The following MAPKAPK5 variants were observed in gnomAD, a reference collection of about 807,000 sequenced individuals.
The protein encoded by MAPKAPK5 is MAPK activated protein kinase 5, also known as MAP kinase-activated protein kinase 5.
A neutral mutation model predicts 65.1 loss-of-function variants in MAPKAPK5; 30 were observed. That is an observed-to-expected ratio of 0.46 (90% confidence interval 0.34 to 0.63). The LOEUF (loss-of-function observed/expected upper bound fraction) is 0.63. MAPKAPK5 is among the 20% of genes least tolerant of loss of function. MAPKAPK5 has a pLI of 0.01. For synonymous variants in MAPKAPK5, 179 were observed against 204.6 expected, an observed-to-expected ratio of 0.87 and a Z score of 1.07; for missense variants, 433 against 581.4, an observed-to-expected ratio of 0.74 and a Z score of 2.63.
intron 9 of MAPKAPK5, chr12:111,885,639 G>C: frequency 2.7e-6 from 1 of 367,804 alleles, no homozygotes; most frequent in South Asian, 5.6e-5. Flanking sequence ...CCATATGTAG[G>C]ATTACCTTAT....
At chr12:111,861,165 A>T (rs1047534085) in intron 1 of MAPKAPK5, among the ~76,000 whole-genome samples, 3 of 151,938 alleles carry the variant, frequency 2.0e-5, no homozygotes, top group Non-Finnish European at 4.4e-5. Context: ...CTAAAAAAAA[A>T]AATAATTTCC....
chr12:111,889,910 T>C, intron 12 of MAPKAPK5, 130 bp from the exon 13 acceptor site: 1 of 642,338 alleles, frequency 1.6e-6, no homozygotes, highest in Non-Finnish European at 2.8e-6. Context: ...GTAAAGCCCT[T>C]GTCTGGTGAA....
Position 111,900,169 on chromosome 12 carries a change from A to T in MAPKAPK5, c.*7108A>T. On this transcript the variant is annotated 3_prime_UTR_variant, in exon 14 of 14. Coordinates refer to ENST00000550735, the MANE Select transcript of MAPKAPK5 (RefSeq NM_003668.4). ...GTGGACTTGCAAATCACACTCAGGA[A>T]TTTCAATCACTGGAGACAAGAGATG... The T allele has an allele frequency of 2.2e-6, 1 of 456,046 alleles. No homozygotes were observed. Among genetic ancestry groups the T allele is most frequent in the Non-Finnish European group, 4.4e-6 (1 of 226,786 alleles). The allele number at this position is 456,046 out of a possible 1,614,324, so 28.2% of individuals were successfully genotyped here. A position where few individuals can be genotyped will look rare whatever the true frequency, so the allele number is the denominator to read the frequency against.
chr12:111,882,207 C>G (rs946983656), intron 8 of MAPKAPK5, among the ~76,000 whole-genome samples: 3 of 152,098 alleles, frequency 2.0e-5, no homozygotes. Context: ...GGTGAAACCC[C>G]GTCTCTACTA....
At position 111,899,757 on chromosome 12, in the gene MAPKAPK5, G is replaced by C. The variant is rs1347518075; in HGVS notation, c.*6696G>C. 1.1e-5 allele frequency: 4 copies of C among 365,834 alleles called. No homozygotes were observed. The highest frequency in any genetic ancestry group is 6.4e-5 in the Admixed American group (2 of 31,248). The allele number at this position is 365,834 out of a possible 1,614,324, so 22.7% of individuals were successfully genotyped here. ...TTTTGTTTCTGTCAACATCTGTGCAGGTCTCAGGGGCACATCCTCCTGATT... is the reference window on the plus strand; with the variant it reads ...TTTTGTTTCTGTCAACATCTGTGCACGTCTCAGGGGCACATCCTCCTGATT... On this transcript the variant is annotated 3_prime_UTR_variant, in exon 14 of 14. Transcript: ENST00000550735.
At position 111,846,915 on chromosome 12, in the gene MAPKAPK5, A is replaced by T. The variant is rs181754250; in HGVS notation, c.36+4146A>T. Among the ~76,000 whole-genome samples the T allele has an allele frequency of 5.9e-5, 9 of 152,224 alleles. No homozygotes were observed. The East Asian group carries it at 1.7e-3, about 29-fold the overall frequency. ...TGTATATGCTTCCTATCCTGTAGTT[A>T]CTTAGTAGTCATCTTGGTTATCAGA... On this transcript the variant is annotated intron_variant, in intron 1 of 13. Transcript: ENST00000550735.
chr12:111,845,045 C>G (rs1005343959), intron 1 of MAPKAPK5, among the ~76,000 whole-genome samples: 1 of 152,098 alleles, frequency 6.6e-6, no homozygotes, highest in African/African-American at 2.4e-5. Context: ...GACATAGTTC[C>G]AGGAGATAAG....
In MAPKAPK5 at chr12:111,888,256, C is replaced by A. The variant is rs76500881; in HGVS notation, c.970-232C>A. ...TTTCTTACTCGCATTTCTGTCCCCC[C>A]ACCAGGGAAGAAGGGCTAGTTGTTG... On this transcript the variant is annotated intron_variant, in intron 10 of 13. Coordinates refer to ENST00000550735, the MANE Select transcript of MAPKAPK5 (RefSeq NM_003668.4). 3.2e-3 allele frequency: 1,412 copies of A among 440,112 alleles called. 16 individuals carry two copies. The highest frequency in any genetic ancestry group is 0.026 in the African/African-American group (1,314 of 49,752). 27.3% of individuals were successfully genotyped at this position (440,112 alleles called of 1,614,324 possible). A position where few individuals can be genotyped will look rare whatever the true frequency, so the allele number is the denominator to read the frequency against.
intron 6 of MAPKAPK5, 57 bp downstream of exon 6, chr12:111,870,417 T>G: frequency 1.4e-6 from 2 of 1,409,478 alleles, no homozygotes; most frequent in Non-Finnish European, 2.0e-6. Flanking sequence ...AGTTCAGGAG[T>G]GGGTGTGTTT....
At chr12:111,887,534 G>T (rs753073584) in intron 10 of MAPKAPK5, 5 of 152,208 alleles carry the variant, frequency 3.3e-5, no homozygotes, top group African/African-American at 1.2e-4. Flanking sequence ...TTAGCTGGGC[G>T]TGGTGGCATG....
intron 1 of MAPKAPK5, among the ~76,000 whole-genome samples, chr12:111,862,911 A>G (rs911526048): frequency 7.2e-5 from 11 of 152,074 alleles, no homozygotes; most frequent in African/African-American, 2.2e-4. Context: ...CCACTACTCT[A>G]TTCCCCTGGG....
At chr12:111,881,197 C>T (rs2070197736) in intron 8 of MAPKAPK5, among the ~76,000 whole-genome samples, 1 of 151,862 alleles carries the variant, frequency 6.6e-6, no homozygotes, top group African/African-American at 2.4e-5. Flanking sequence ...CCTCAGTCTC[C>T]CAGGTAGCTG....
At chr12:111,848,820 C>T (rs2068981914) in intron 1 of MAPKAPK5, among the ~76,000 whole-genome samples, 1 of 152,092 alleles carries the variant, frequency 6.6e-6, no homozygotes, top group African/African-American at 2.4e-5. Flanking sequence ...ACCTCTTCCT[C>T]CGGGGTTCAA....
At chr12:111,890,611 G>A (rs974028922) in intron 13 of MAPKAPK5, among the ~76,000 whole-genome samples, 2 of 152,142 alleles carry the variant, frequency 1.3e-5, no homozygotes, top group Admixed American at 6.6e-5. Context: ...ATCTACTGCT[G>A]GTTAAGTTTT....
intron 8 of MAPKAPK5, among the ~76,000 whole-genome samples, chr12:111,882,635 T>C (rs1216277103): frequency 6.6e-6 from 1 of 152,216 alleles, no homozygotes; most frequent in Admixed American, 6.5e-5. Flanking sequence ...ATATAGGCCA[T>C]GGAGTCACCT....
At chr12:111,854,399 G>A (rs184228371) in intron 1 of MAPKAPK5, among the ~76,000 whole-genome samples, 40 of 152,088 alleles carry the variant, frequency 2.6e-4, no homozygotes, top group Admixed American at 1.9e-3. Flanking sequence ...GCGCCACCAC[G>A]CCCAGCTAAT....
intron 1 of MAPKAPK5, among the ~76,000 whole-genome samples, chr12:111,846,699 A>T: frequency 6.6e-6 from 1 of 151,652 alleles, no homozygotes; most frequent in Non-Finnish European, 1.5e-5. Context: ...GGGTTTCACC[A>T]TGTTGGCCAG....
chr12:111,872,923 C>G (rs2069830617), intron 7 of MAPKAPK5, among the ~76,000 whole-genome samples: 1 of 152,184 alleles, frequency 6.6e-6, no homozygotes, highest in East Asian at 1.9e-4. Context: ...GGGATTATAA[C>G]ATGGACATCT....
chr12:111,877,042 G>A (rs1213855471), intron 7 of MAPKAPK5, among the ~76,000 whole-genome samples: 1 of 150,760 alleles, frequency 6.6e-6, no homozygotes, highest in African/African-American at 2.4e-5. Context: ...TTTTTGAGAT[G>A]GAGTCTTGCT....
Sources: allele counts gnomAD v4.1 joint callset (sites outside exome capture counted in the v4.1 genomes callset), GRCh38; gene constraint gnomAD v4.1.1; transcripts MANE v1.5; gene names NCBI Gene and HGNC (gene_info 2026-07-23, HGNC 2026-07-21).